The following SNRPN variants were observed in gnomAD, a reference collection of about 807,000 sequenced individuals.
SNRPN encodes the protein small nuclear ribonucleoprotein-associated protein N.
Under a neutral mutation model 25.2 loss-of-function variants are expected in SNRPN, and 7 were observed. The observed-to-expected ratio is 0.28, with a 90% confidence interval of 0.16 to 0.52. SNRPN has a LOEUF of 0.52. Among genes scored for constraint, SNRPN ranks in the 20% least tolerant of loss-of-function variants. The pLI is 0.96. For missense variants in SNRPN, 196 were observed against 322.5 expected (o/e 0.61, Z 3.00); for synonymous variants, 124 against 110.6 (o/e 1.12, Z -0.76).
chr15:24,978,010 G>T (rs1195363589), intron 8 of SNRPN, 94 bp downstream of exon 8: 2 of 1,299,818 alleles, frequency 1.5e-6, no homozygotes, highest in African/African-American at 3.0e-5. Context: ...AGAATTTGGG[G>T]AATATGCTTC....
chr15:24,922,244 AG>A (rs1366645702), intron 3 of SNRPN, among the ~76,000 whole-genome samples: 2 of 152,128 alleles, frequency 1.3e-5, no homozygotes, highest in Non-Finnish European at 2.9e-5. Context: ...CCATACAAAA[AG>A]GCTAAGAGCC....
intron 3 of SNRPN, among the ~76,000 whole-genome samples, chr15:24,946,270 G>A (rs1031594757): frequency 5.9e-5 from 9 of 152,000 alleles, no homozygotes; most frequent in Non-Finnish European, 1.2e-4. Flanking sequence ...GGCCAGGCAT[G>A]GTTCCTTATG....
At chr15:24,882,823 C>CAAAAAAAAAAAAAAAAAAAAAAAAA (rs10543501) in intron 1 of SNRPN, among the ~76,000 whole-genome samples, 10 of 127,144 alleles carry the variant, frequency 7.9e-5, no homozygotes, top group Admixed American at 2.8e-4. Context: ...GACTCCATCT[C>CAAAAAAAAAAAAAAAAAAAAAAAAA]AAAAAAAAAA....
At chr15:24,966,000 A>G (rs536247700) in intron 2 of SNRPN, among the ~76,000 whole-genome samples, 102 of 152,256 alleles carry the variant, frequency 6.7e-4, no homozygotes, top group African/African-American at 2.4e-3. Context: ...TTAGACTATG[A>G]ATTAGAGTAT....
At chr15:24,926,782 A>C (rs1185590063) in intron 3 of SNRPN, among the ~76,000 whole-genome samples, 1 of 152,040 alleles carries the variant, frequency 6.6e-6, no homozygotes, top group African/African-American at 2.4e-5. Flanking sequence ...AGATGGGTGG[A>C]TTGCTTGAGG....
At chr15:24,951,389 T>G (rs895486546), upstream of SNRPN, among the ~76,000 whole-genome samples, 2 of 152,186 alleles carry the variant, frequency 1.3e-5, no homozygotes, top group African/African-American at 2.4e-5. Context: ...TCATTTGTAC[T>G]TCTCTAATGA....
upstream of SNRPN, among the ~76,000 whole-genome samples, chr15:24,950,660 A>G (rs2062194757): frequency 1.4e-5 from 2 of 140,476 alleles, no homozygotes; most frequent in South Asian, 2.2e-4. Context: ...TGATTCTCCT[A>G]CCTCAGCCTC....
chr15:24,838,265 G>A (rs2051395324), intron 2 of SNRPN, among the ~76,000 whole-genome samples: 1 of 147,414 alleles, frequency 6.8e-6, no homozygotes, highest in African/African-American at 2.5e-5. Context: ...TCAATCTCCT[G>A]ACCTCGTGAT....
chr15:24,918,316 ATATATATAACATAATATATATGTG>A (rs2059663307), intron 2 of SNRPN, among the ~76,000 whole-genome samples: 1 of 130,264 alleles, frequency 7.7e-6, no homozygotes. Flanking sequence ...GCAAACATAT[ATATATATAACATAATATATATGTG>A]TATATATATA....
At chr15:24,877,699 C>CAA (rs1375477360) in intron 1 of SNRPN, among the ~76,000 whole-genome samples, 1 of 131,930 alleles carries the variant, frequency 7.6e-6, no homozygotes, top group Non-Finnish European at 1.8e-5. Context: ...CACACACAAA[C>CAA]ACACTAGCCG....
rs969824623 is a variant in SNRPN at position 24,970,079 on chromosome 15, G to T, written c.-144+1997G>T. On this transcript the variant is annotated intron_variant, in intron 3 of 9. Coordinates refer to ENST00000390687, the MANE Select transcript of SNRPN (RefSeq NM_003097.6). ...ATATAGTCATAATGTCATAGAAGGT[G>T]ATAAAGAATAGATTATAGAAGTATA... Among the ~76,000 whole-genome samples, 9 of 152,282 alleles carry T rather than the reference G, an allele frequency of 5.9e-5. No individual in the cohort carries two copies. In the East Asian group the frequency reaches 1.5e-3, roughly 26 times the overall value.
At position 24,893,440 on chromosome 15, in the gene SNRPN, G is replaced by C. The variant is rs1333866593; in HGVS notation, c.-505+6851G>C. On this transcript the variant is annotated intron_variant, in intron 2 of 11. Coordinates refer to the SNRPN transcript ENST00000400097. ...CACACCAGCCTGGGCAACGTATTGA[G>C]ACCTCATCTTTACTAAAAATAAACA... 3.3e-5 allele frequency among the ~76,000 whole-genome samples: 5 copies of C among 151,838 alleles called. No individual in the cohort carries two copies. In the East Asian group the frequency reaches 9.8e-4, roughly 30 times the overall value.
chr15:24,877,151 C>T (rs1469099855), intron 1 of SNRPN, among the ~76,000 whole-genome samples: 1 of 152,080 alleles, frequency 6.6e-6, no homozygotes, highest in Non-Finnish European at 1.5e-5. Flanking sequence ...GCCTGAGGTC[C>T]AGGAAAAATG....
chr15:24,875,298 G>A (rs1008367563), intron 1 of SNRPN, among the ~76,000 whole-genome samples: 3 of 152,148 alleles, frequency 2.0e-5, no homozygotes, highest in Non-Finnish European at 4.4e-5. Flanking sequence ...AGAAAAACCT[G>A]AGCTTGACTT....
At chr15:24,858,109 A>G (rs1205025751) in intron 1 of SNRPN, among the ~76,000 whole-genome samples, 2 of 152,206 alleles carry the variant, frequency 1.3e-5, no homozygotes, top group Non-Finnish European at 2.9e-5. Context: ...TGTTATCCCC[A>G]GGAGCAGTTT....
chr15:24,887,146 CT>C (rs759363529), intron 2 of SNRPN, among the ~76,000 whole-genome samples: 4,215 of 128,726 alleles, frequency 0.033, 96 homozygotes, highest in African/African-American at 0.11. Context: ...ACACTGAGGT[CT>C]TTTTTTTTTT....
At position 24,834,751 on chromosome 15, in the gene SNRPN, C is replaced by CTCTCTCTATATATATATATA; in HGVS notation, c.-579+4847_-579+4848insCTCTCTATATATATATATAT. Among the ~76,000 whole-genome samples, 19 of 60,952 alleles carry CTCTCTCTATATATATATATA rather than the reference C, an allele frequency of 3.1e-4. 1 individual carries two copies. The highest frequency in any genetic ancestry group is 5.0e-4 in the Non-Finnish European group (15 of 30,236). 40.0% of individuals were successfully genotyped at this position (60,952 alleles called of 152,430 possible). ...TCCCTCTCTCTCTCTCTCTCTCTCT[C>CTCTCTCTATATATATATATA]TATATATATATATATATATATATAT... On this transcript the variant is annotated intron_variant, in intron 2 of 12. Coordinates refer to the SNRPN transcript ENST00000400100.
chr15:24,937,448 T>C (rs1298352338), intron 3 of SNRPN, among the ~76,000 whole-genome samples: 1 of 152,216 alleles, frequency 6.6e-6, no homozygotes, highest in East Asian at 1.9e-4. Context: ...GTGGGAGGAC[T>C]GCTTGAGCCT....
intron 1 of SNRPN, among the ~76,000 whole-genome samples, chr15:24,960,100 A>G (rs1183261457): frequency 6.6e-6 from 1 of 152,144 alleles, no homozygotes; most frequent in Admixed American, 6.5e-5. Context: ...CCCTGTCTCT[A>G]CTATAAATAC....
Sources: allele counts gnomAD v4.1 joint callset (sites outside exome capture counted in the v4.1 genomes callset), GRCh38; gene constraint gnomAD v4.1.1; transcripts MANE v1.5; gene names NCBI Gene and HGNC (gene_info 2026-07-23, HGNC 2026-07-21).